CBFB: variants seen among roughly 807,000 people sequenced by gnomAD.
CBFB encodes the protein core-binding factor subunit beta.
CBFB carries 9 observed loss-of-function variants against 30.4 expected under a neutral mutation model. The ratio of observed to expected loss-of-function variants is 0.30; its 90% CI spans 0.18 to 0.52. The LOEUF (loss-of-function observed/expected upper bound fraction) is 0.52. CBFB is among the 20% of genes least tolerant of loss of function. CBFB has a pLI of 0.97. For missense variants in CBFB, 170 were observed against 244.0 expected (o/e 0.70, Z 2.02); for synonymous variants, 94 against 84.0 (o/e 1.12, Z -0.65).
chr16:67,096,793 A>T (rs1366023892), intron 5 of CBFB, among the ~76,000 whole-genome samples: 2 of 151,510 alleles, frequency 1.3e-5, no homozygotes, highest in South Asian at 2.1e-4. Context: ...GCTAACACAA[A>T]GAAACCCCAT....
chr16:67,054,606 A>G (rs1319253588), intron 3 of CBFB, among the ~76,000 whole-genome samples: 1 of 151,950 alleles, frequency 6.6e-6, no homozygotes, highest in Non-Finnish European at 1.5e-5. Flanking sequence ...TACTATTTGG[A>G]TGTTAGACCC....
At chr16:67,096,908 C>G (rs1962063593) in intron 5 of CBFB, among the ~76,000 whole-genome samples, 1 of 148,008 alleles carries the variant, frequency 6.8e-6, no homozygotes, top group South Asian at 2.1e-4. Flanking sequence ...CGCCACTGCA[C>G]TCCAGCGACT....
chr16:67,029,660 TG>T, intron 1 of CBFB, 66 bp from the exon 2 acceptor site: 1 of 1,424,794 alleles, frequency 7.0e-7, no homozygotes, highest in Non-Finnish European at 9.7e-7. Context: ...GGCGCTGCGC[TG>T]GGAGGGCGGG....
intron 5 of CBFB, among the ~76,000 whole-genome samples, chr16:67,091,545 C>T (rs1961879975): frequency 6.6e-6 from 1 of 152,146 alleles, no homozygotes; most frequent in Non-Finnish European, 1.5e-5. Context: ...CATCATGGTC[C>T]AAGCCCAGAA....
At chr16:67,084,265 C>T (rs1296904532) in intron 5 of CBFB, among the ~76,000 whole-genome samples, 1 of 149,972 alleles carries the variant, frequency 6.7e-6, no homozygotes, top group Non-Finnish European at 1.5e-5. Flanking sequence ...TACTGTATAT[C>T]ATGCTTCAAG....
chr16:67,092,061 C>G (rs1423385964), intron 5 of CBFB, among the ~76,000 whole-genome samples: 1 of 152,034 alleles, frequency 6.6e-6, no homozygotes, highest in Non-Finnish European at 1.5e-5. Flanking sequence ...CCCTCCCCTT[C>G]CCCCCTACCC....
chr16:67,055,357 C>CTTTTTTT lies in CBFB; in HGVS notation c.283-11304_283-11298dup, dbSNP rs1163773529. On this transcript the variant is annotated intron_variant, in intron 3 of 5. Transcript: ENST00000412916. ...AAATCTATTGAATTCCAGACACTTT[C>CTTTTTTT]TTTTTTTTTTTTTTTTTTTTTTTTT... is the stretch of plus-strand genomic sequence containing the variant. Among the ~76,000 whole-genome samples the CTTTTTTT allele has an allele frequency of 3.1e-3, 255 of 81,468 alleles. 38 individuals are homozygous for CTTTTTTT. The highest frequency in any genetic ancestry group is 6.5e-3 in the African/African-American group (119 of 18,446). 53.4% of individuals were successfully genotyped at this position (81,468 alleles called of 152,430 possible).
At chr16:67,047,723 T>G (rs1422723909) in intron 3 of CBFB, among the ~76,000 whole-genome samples, 2 of 152,170 alleles carry the variant, frequency 1.3e-5, no homozygotes, top group African/African-American at 4.8e-5. Context: ...ACACCAGCTT[T>G]TTAGTCCTGA....
At chr16:67,057,598 G>A (rs1422440113) in intron 3 of CBFB, among the ~76,000 whole-genome samples, 1 of 151,902 alleles carries the variant, frequency 6.6e-6, no homozygotes, top group African/African-American at 2.4e-5. Context: ...TTATTGAAAT[G>A]TTTTTCAATT....
chr16:67,093,297 A>G (rs1961950516), intron 5 of CBFB: 1 of 151,852 alleles, frequency 6.6e-6, no homozygotes, highest in Non-Finnish European at 1.5e-5. Context: ...GTATCTGGAC[A>G]TAGTACACAC....
chr16:67,036,380 CA>C, intron 2 of CBFB: 2 of 382,552 alleles, frequency 5.2e-6, no homozygotes, highest in Non-Finnish European at 9.5e-6. Flanking sequence ...CTAACGTCAG[CA>C]AAAAATGACC....
chr16:67,059,976 C>CA (rs1389566673), intron 3 of CBFB, among the ~76,000 whole-genome samples: 1 of 132,916 alleles, frequency 7.5e-6, no homozygotes, highest in Non-Finnish European at 1.6e-5. Flanking sequence ...TTCTTTCTTT[C>CA]TTTTTTTTTT....
At chr16:67,063,543 G>A (rs1289127281) in intron 3 of CBFB, among the ~76,000 whole-genome samples, 1 of 152,082 alleles carries the variant, frequency 6.6e-6, no homozygotes, top group Non-Finnish European at 1.5e-5. Context: ...CCAGGTTCAA[G>A]CGATTATCCT....
chr16:67,078,751 G>A (rs1961474711), intron 4 of CBFB, among the ~76,000 whole-genome samples: 1 of 152,188 alleles, frequency 6.6e-6, no homozygotes, highest in Non-Finnish European at 1.5e-5. Context: ...AGGGGTTCAA[G>A]TGATTCTTCT....
chr16:67,030,193 T>C (rs1966311800), intron 2 of CBFB: 1 of 186,978 alleles, frequency 5.3e-6, no homozygotes, highest in Non-Finnish European at 1.1e-5. Flanking sequence ...CGATAGTTTG[T>C]TTCTTAGAAG....
intron 4 of CBFB, among the ~76,000 whole-genome samples, chr16:67,067,637 T>G (rs1404076815): frequency 6.6e-6 from 1 of 152,198 alleles, no homozygotes; most frequent in East Asian, 1.9e-4. Context: ...TCCCCAGCTC[T>G]GTGGTCCCTC....
At chr16:67,044,438 T>C (rs1966586710) in intron 3 of CBFB, among the ~76,000 whole-genome samples, 1 of 152,228 alleles carries the variant, frequency 6.6e-6, no homozygotes, top group Non-Finnish European at 1.5e-5. Context: ...TAATTGATAG[T>C]CAAATACATT....
intron 5 of CBFB, among the ~76,000 whole-genome samples, chr16:67,086,880 A>T (rs1194439648): frequency 1.3e-5 from 2 of 152,124 alleles, no homozygotes; most frequent in Non-Finnish European, 2.9e-5. Flanking sequence ...TGGAGGTTCA[A>T]AAGGGACAGC....
chr16:67,060,542 GT>G (rs144915478), intron 3 of CBFB, among the ~76,000 whole-genome samples: 1 of 151,546 alleles, frequency 6.6e-6, no homozygotes, highest in Non-Finnish European at 1.5e-5. Context: ...TTTCTGGGGG[GT>G]TTTTTGTTTT....
Sources: allele counts gnomAD v4.1 joint callset (sites outside exome capture counted in the v4.1 genomes callset), GRCh38; gene constraint gnomAD v4.1.1; transcripts MANE v1.5; gene names NCBI Gene and HGNC (gene_info 2026-07-23, HGNC 2026-07-21).